The following S100A8 variants were observed in gnomAD, a reference collection of about 807,000 sequenced individuals.
S100A8 encodes S100 calcium binding protein A8.
In S100A8, 1 loss-of-function variant was observed where a neutral mutation model predicts 4.2. The observed-to-expected ratio is 0.24, with a 90% CI of 0.08 to 1.12. The LOEUF (loss-of-function observed/expected upper bound fraction) is 1.12. S100A8 is among the 50% of genes most tolerant of loss of function. The pLI is 0.53. For synonymous variants in S100A8, 41 were observed against 44.7 expected (o/e 0.92, Z 0.33); for missense variants, 96 against 111.8 (o/e 0.86, Z 0.64).
the S100A8 span, among the ~76,000 whole-genome samples, chr1:153,401,922 C>T: frequency 1.4e-5 from 2 of 147,386 alleles, no homozygotes; most frequent in Non-Finnish European, 3.0e-5. Context: ...TTTTCCAGAC[C>T]TTTTTTATCT....
At chr1:153,404,662 C>T in the S100A8 span, among the ~76,000 whole-genome samples, 1 of 148,150 alleles carries the variant, frequency 6.7e-6, no homozygotes, top group African/African-American at 2.6e-5. Context: ...CCTGTTTCTA[C>T]CACTTGATTA....
At chr1:153,405,328 A>G in the S100A8 span, among the ~76,000 whole-genome samples, 1 of 149,930 alleles carries the variant, frequency 6.7e-6, no homozygotes, top group Non-Finnish European at 1.5e-5. Flanking sequence ...CCCATTCGAC[A>G]GGATGGTGGG....
At chr1:153,421,160 C>T in the S100A8 span, 2 of 152,204 alleles carry the variant, frequency 1.3e-5, no homozygotes, top group African/African-American at 4.8e-5. Flanking sequence ...TTTTAAACTA[C>T]TGCCTCTACC....
chr1:153,408,336 G>T, the S100A8 span, among the ~76,000 whole-genome samples: 7 of 152,208 alleles, frequency 4.6e-5, no homozygotes, highest in Non-Finnish European at 8.8e-5. Context: ...TCATGCACAA[G>T]CTTCAGTAGC....
chr1:153,405,331 A>T, the S100A8 span, among the ~76,000 whole-genome samples: 1 of 149,698 alleles, frequency 6.7e-6, no homozygotes, highest in South Asian at 2.2e-4. Context: ...ATTCGACAGG[A>T]TGGTGGGTGT....
the S100A8 span, chr1:153,416,405 A>C: frequency 0.13 from 36,875 of 276,172 alleles, 3,166 homozygotes; most frequent in African/African-American, 0.29. Flanking sequence ...TGTGTCCCAC[A>C]CACCTGATAT....
chr1:153,404,644 T>C, the S100A8 span, among the ~76,000 whole-genome samples: 1 of 150,276 alleles, frequency 6.7e-6, no homozygotes, highest in South Asian at 2.1e-4. Context: ...TAATTATTTT[T>C]ATCTCTTCCT....
the S100A8 span, among the ~76,000 whole-genome samples, chr1:153,402,940 AGAGGTCT>A: frequency 6.6e-6 from 1 of 152,102 alleles, no homozygotes; most frequent in African/African-American, 2.4e-5. Flanking sequence ...AGAACTAAAT[AGAGGTCT>A]GAGAAAAAGA....
the S100A8 span, among the ~76,000 whole-genome samples, chr1:153,399,975 C>T: frequency 6.6e-6 from 1 of 152,096 alleles, no homozygotes; most frequent in Non-Finnish European, 1.5e-5. Flanking sequence ...GAGACAAGAC[C>T]GGAAGACCCT....
At chr1:153,397,935 G>A in the S100A8 span, among the ~76,000 whole-genome samples, 9 of 152,166 alleles carry the variant, frequency 5.9e-5, no homozygotes, top group Admixed American at 2.6e-4. Context: ...TGCAGGGTCC[G>A]GGCCATCCTG....
the S100A8 span, among the ~76,000 whole-genome samples, chr1:153,413,987 C>G: frequency 6.6e-6 from 1 of 152,178 alleles, no homozygotes; most frequent in Non-Finnish European, 1.5e-5. Flanking sequence ...AAATATTCTT[C>G]TTTTTCATTT....
chr1:153,411,783 G>C, the S100A8 span, among the ~76,000 whole-genome samples: 203 of 152,170 alleles, frequency 1.3e-3, 1 homozygote, highest in African/African-American at 4.7e-3. Flanking sequence ...CCAAAACAGA[G>C]GTATAGAGCA....
At chr1:153,394,800 C>T (rs1248478176), upstream of S100A8, among the ~76,000 whole-genome samples, 3 of 152,128 alleles carry the variant, frequency 2.0e-5, no homozygotes, top group East Asian at 5.8e-4. Flanking sequence ...CCATGTTTGG[C>T]GCAAAGGACC....
upstream of S100A8, among the ~76,000 whole-genome samples, chr1:153,391,612 T>G (rs1192142216): frequency 1.3e-5 from 2 of 152,108 alleles, no homozygotes; most frequent in African/African-American, 4.8e-5. Context: ...AAACTATCGT[T>G]GTTGTTCTTT....
chr1:153,393,996 CT>C (rs1007635047), upstream of S100A8, among the ~76,000 whole-genome samples: 2 of 152,162 alleles, frequency 1.3e-5, no homozygotes, highest in African/African-American at 4.8e-5. Flanking sequence ...CCTGGACAGC[CT>C]TGGGTGCTTT....
At chr1:153,420,055 G>A in the S100A8 span, 4 of 152,340 alleles carry the variant, frequency 2.6e-5, no homozygotes, top group African/African-American at 2.4e-5. Flanking sequence ...TCCAGATTTT[G>A]AGGAGCTCTA....
At chr1:153,407,821 T>C in the S100A8 span, among the ~76,000 whole-genome samples, 3 of 152,202 alleles carry the variant, frequency 2.0e-5, no homozygotes, top group African/African-American at 7.2e-5. Flanking sequence ...ATATTTGCTG[T>C]TCTGCAGCCT....
At position 153,390,076 on chromosome 1, in the gene S100A8, G is replaced by C. The variant is rs757740682; in HGVS notation, c.*27C>G. The C allele has an allele frequency of 6.3e-7, 1 of 1,597,636 alleles. No individual in the cohort carries two copies. On this transcript the variant is annotated 3_prime_UTR_variant, in exon 3 of 3. Transcript: ENST00000368733. ...TTATTCTGCAGGTACATGTCCAGGGGCCCAGCCTCTGGGCCCAGTAACTCA... is the reference window on the plus strand; with the variant it reads ...TTATTCTGCAGGTACATGTCCAGGGCCCCAGCCTCTGGGCCCAGTAACTCA...
At position 153,390,406 on chromosome 1, in the gene S100A8, G is replaced by A; in HGVS notation, c.130C>T (p.Gln44Ter). ...CAGCCCCTCCTCACCCTGATATACT[G>A]AGGACACTCGGTCTCTAGCAATTTC... The part of the protein sequence containing the change: ...LKKLLETECP[Q>*]YIRKKGADVW... Residue 44 changes from glutamine (Q) to a stop codon, truncating the protein, a stop_gained, in exon 2 of 3, where the codon CAG becomes TAG. Coordinates refer to ENST00000368733, the MANE Select transcript of S100A8 (RefSeq NM_002964.5). LOFTEE classifies it low-confidence loss of function (END_TRUNC). The A allele has an allele frequency of 6.2e-7, 1 of 1,614,130 alleles. No homozygotes were observed. Among genetic ancestry groups the A allele is most frequent in the Non-Finnish European group, 8.5e-7 (1 of 1,180,014 alleles).
Sources: allele counts gnomAD v4.1 joint callset (sites outside exome capture counted in the v4.1 genomes callset), GRCh38; gene constraint gnomAD v4.1.1; transcripts MANE v1.5; gene names NCBI Gene and HGNC (gene_info 2026-07-23, HGNC 2026-07-21).